DLC1: variants seen among roughly 807,000 people sequenced by gnomAD.
DLC1 encodes the protein rho GTPase-activating protein 7.
A neutral mutation model predicts 140.3 loss-of-function variants in DLC1; 54 were observed. The ratio of observed to expected loss-of-function variants is 0.38; its 90% CI spans 0.31 to 0.48. DLC1 has a LOEUF of 0.48. Among genes scored for constraint, DLC1 ranks in the 20% least tolerant of loss-of-function variants. DLC1 has a pLI of 0.96. For synonymous variants in DLC1, 986 were observed against 728.1 expected (o/e 1.35, Z -5.70); for missense variants, 2,536 against 1,907.0 (o/e 1.33, Z -6.14).
intron 5 of DLC1, among the ~76,000 whole-genome samples, chr8:13,123,376 T>G (rs985358835): frequency 2.0e-5 from 3 of 151,488 alleles, no homozygotes; most frequent in Non-Finnish European, 4.4e-5. Flanking sequence ...GTCTCAACTC[T>G]GTCTCCCAGG....
intron 6 of DLC1, among the ~76,000 whole-genome samples, chr8:13,112,189 T>C (rs1417834351): frequency 6.6e-6 from 1 of 152,138 alleles, no homozygotes; most frequent in Non-Finnish European, 1.5e-5. Flanking sequence ...CCTTTGGCCT[T>C]CAAAATGGCT....
intron 1 of DLC1, among the ~76,000 whole-genome samples, chr8:13,583,386 A>C (rs2117450751): frequency 6.6e-6 from 1 of 152,298 alleles, no homozygotes; most frequent in Admixed American, 6.5e-5. Context: ...CTCATCCATA[A>C]GAAGCAACTC....
At chr8:13,300,855 G>T (rs1026343347) in intron 5 of DLC1, among the ~76,000 whole-genome samples, 2 of 152,246 alleles carry the variant, frequency 1.3e-5, no homozygotes, top group African/African-American at 4.8e-5. Flanking sequence ...TCTGGTGACA[G>T]TGCAGATAAT....
Position 13,533,914 on chromosome 8 carries a change from G to A in DLC1, c.-125-33718C>T, listed in dbSNP as rs150870935. Among the ~76,000 whole-genome samples, 601 of 152,078 alleles carry A rather than the reference G, an allele frequency of 4.0e-3. 2 individuals are homozygous for A. The highest frequency in any genetic ancestry group is 0.013 in the African/African-American group (529 of 41,456). ...ACTTGCATCTCCTTCTCATTCCACC[G>A]TGACTGTAAGTTTCCTGAGGCCTCC... On this transcript the variant is annotated intron_variant, in intron 1 of 1. Coordinates refer to the DLC1 transcript ENST00000631382.
intron 1 of DLC1, among the ~76,000 whole-genome samples, chr8:13,536,700 A>AATAGGC (rs1276014307): frequency 1.3e-5 from 2 of 152,234 alleles, no homozygotes; most frequent in African/African-American, 4.8e-5. Flanking sequence ...ATTTCAAAGT[A>AATAGGC]ATAGGCCAGC....
At chr8:13,102,747 G>T (rs768157846) in intron 8 of DLC1, 43 bp downstream of exon 8, 4 of 1,538,598 alleles carry the variant, frequency 2.6e-6, no homozygotes, top group South Asian at 2.3e-5. Context: ...TTTTTTGTTT[G>T]CCCCTTTTCC....
chr8:13,324,716 ATT>A (rs1491168077), intron 4 of DLC1, among the ~76,000 whole-genome samples: 4 of 152,286 alleles, frequency 2.6e-5, no homozygotes, highest in African/African-American at 7.2e-5. Flanking sequence ...GAAATATAAA[ATT>A]TAAGTTACTT....
At chr8:13,241,220 G>A (rs1454945017) in intron 5 of DLC1, among the ~76,000 whole-genome samples, 4 of 152,124 alleles carry the variant, frequency 2.6e-5, no homozygotes, top group African/African-American at 9.7e-5. Flanking sequence ...CTACTCACTT[G>A]GAATAAAAGT....
intron 4 of DLC1, among the ~76,000 whole-genome samples, chr8:13,346,954 T>G (rs1405882784): frequency 6.6e-6 from 1 of 152,190 alleles, no homozygotes; most frequent in African/African-American, 2.4e-5. Flanking sequence ...GTCAAGATAT[T>G]CTGAGAGAGA....
chr8:13,298,473 C>T (rs1832050726), intron 5 of DLC1, among the ~76,000 whole-genome samples: 1 of 152,162 alleles, frequency 6.6e-6, no homozygotes, highest in South Asian at 2.1e-4. Context: ...ATTACAATTT[C>T]TTGATTAACA....
At chr8:13,569,136 A>G (rs1165603888) in intron 1 of DLC1, among the ~76,000 whole-genome samples, 2 of 152,188 alleles carry the variant, frequency 1.3e-5, no homozygotes, top group Non-Finnish European at 2.9e-5. Context: ...ATGGAGAAAA[A>G]TGTTAGATGG....
At chr8:13,459,829 C>T (rs949880084) in intron 2 of DLC1, among the ~76,000 whole-genome samples, 1 of 152,216 alleles carries the variant, frequency 6.6e-6, no homozygotes, top group Non-Finnish European at 1.5e-5. Context: ...ACAAATGCCA[C>T]ATAACACACG....
In DLC1 at chr8:13,099,854, G is replaced by C; in HGVS notation, c.2483C>G (p.Ser828Cys). 6.2e-7 allele frequency: 1 copy of C among 1,614,240 alleles called. No homozygotes were observed. Among genetic ancestry groups the C allele is most frequent in the South Asian group, 1.1e-5 (1 of 91,090 alleles). ...FPKALTNGSF[S>C]PSGNNGSVNW... Reference sequence around the variant, plus strand: ...CACAGAGCCGTTATTCCCCGAGGGGGAGAAACTGCCATTGGTGAGAGCTTT... The same window carrying C: ...CACAGAGCCGTTATTCCCCGAGGGGCAGAAACTGCCATTGGTGAGAGCTTT... Residue 828 changes from serine (S) to cysteine (C), a missense_variant, in exon 9 of 18, where the codon TCC becomes TGC. Transcript: ENST00000276297.
chr8:13,570,401 C>A (rs1413848031), intron 1 of DLC1, among the ~76,000 whole-genome samples: 1 of 147,188 alleles, frequency 6.8e-6, no homozygotes, highest in Non-Finnish European at 1.5e-5. Context: ...CCCACTAACT[C>A]GTCATCTAGC....
In DLC1 at chr8:13,100,558, G is replaced by T. The variant is rs143622533; in HGVS notation, c.1779C>A (p.Ser593=). 9.0e-5 allele frequency: 146 copies of T among 1,613,374 alleles called. 1 individual carries two copies. In the African/African-American group the frequency reaches 1.8e-3, roughly 20 times the overall value. ...MDLSERQEVS[S]VRSLSSTGSL... is the part of the protein sequence containing the mutation. Reference sequence around the variant, plus strand: ...TGCCAGTGCTGCTGAGGCTGCGGACGGAAGACACCTCCTGGCGCTCGCTGA... The same window carrying T: ...TGCCAGTGCTGCTGAGGCTGCGGACTGAAGACACCTCCTGGCGCTCGCTGA... The change falls in exon 9 of 18, where the codon TCC becomes TCA. Residue 593 remains serine, a synonymous_variant. Coordinates refer to ENST00000276297, the MANE Select transcript of DLC1 (RefSeq NM_182643.3).
chr8:13,100,753 C>G lies in DLC1; in HGVS notation c.1584G>C (p.Glu528Asp). The stretch of plus-strand genomic sequence containing the variant: ...TGCCACTGATGGCACAAGGCTCATC[C>G]TCGTCTGAATCGTCACTCTGCAAAG... ...PHRKRSDDSD[E>D]DEPCAISGKW... is the part of the protein sequence containing the mutation. Residue 528 changes from glutamate to aspartate, a missense_variant, in exon 9 of 18, where the codon GAG (glutamate) becomes GAC (aspartate). Physicochemically the swap from Glu to Asp is conservative, Grantham distance 45 (BLOSUM62 2). Coordinates refer to ENST00000276297, the MANE Select transcript of DLC1 (RefSeq NM_182643.3). 1.3e-6 allele frequency: 2 copies of G among 1,575,716 alleles called. No homozygotes were observed. The highest frequency in any genetic ancestry group is 1.7e-6 in the Non-Finnish European group (2 of 1,162,196).
intron 5 of DLC1, among the ~76,000 whole-genome samples, chr8:13,192,121 A>AT (rs1007789114): frequency 3.0e-4 from 44 of 148,948 alleles, no homozygotes; most frequent in East Asian, 1.2e-3. Flanking sequence ...TAATTTTTGT[A>AT]TTTTTTTTTA....
chr8:13,532,670 G>A (rs1343953396), intron 1 of DLC1, among the ~76,000 whole-genome samples: 1 of 152,118 alleles, frequency 6.6e-6, no homozygotes, highest in Admixed American at 6.5e-5. Context: ...TGCTCACTGT[G>A]ATCTTGAACT....
intron 5 of DLC1, among the ~76,000 whole-genome samples, chr8:13,194,288 T>G (rs73663622): frequency 0.011 from 1,747 of 152,340 alleles, 28 homozygotes; most frequent in African/African-American, 0.039. Flanking sequence ...CTTATGCCAA[T>G]AGCTATGTGG....
Sources: allele counts gnomAD v4.1 joint callset (sites outside exome capture counted in the v4.1 genomes callset), GRCh38; gene constraint gnomAD v4.1.1; transcripts MANE v1.5; gene names NCBI Gene and HGNC (gene_info 2026-07-23, HGNC 2026-07-21).